The following PRKCE variants were observed in gnomAD, a reference collection of about 807,000 sequenced individuals.
PRKCE encodes the protein protein kinase C epsilon type.
In PRKCE, 16 loss-of-function variants were observed where a neutral mutation model predicts 85.4. That is an observed-to-expected ratio of 0.19 (90% CI 0.13 to 0.28). The LOEUF (loss-of-function observed/expected upper bound fraction) is 0.28. Among genes scored for constraint, PRKCE ranks in the 10% least tolerant of loss-of-function variants. PRKCE has a pLI of 1.00. For synonymous variants in PRKCE, 388 were observed against 371.5 expected (o/e 1.04, Z -0.51); for missense variants, 573 against 975.2 (o/e 0.59, Z 5.49).
At position 46,110,641 on chromosome 2, in the gene PRKCE, G is replaced by A. The variant is rs111645389; in HGVS notation, c.1592+24279G>A. Among the ~76,000 whole-genome samples, 581 of 150,782 alleles carry A rather than the reference G, an allele frequency of 3.9e-3. 7 individuals carry two copies. The highest frequency in any genetic ancestry group is 0.017 in the Middle Eastern group (5 of 290). On this transcript the variant is annotated intron_variant, in intron 11 of 14. Transcript: ENST00000306156. ...TTCTTAGTCTTTTTTTTTTTAAAGCGGCTTTTGGTTTTATTAATTTTTCTC... is the reference window on the plus strand; with the variant it reads ...TTCTTAGTCTTTTTTTTTTTAAAGCAGCTTTTGGTTTTATTAATTTTTCTC...
chr2:46,003,562 A>G (rs1704897081), intron 7 of PRKCE, among the ~76,000 whole-genome samples: 1 of 152,242 alleles, frequency 6.6e-6, no homozygotes, highest in Non-Finnish European at 1.5e-5. Context: ...AGTATCCTAT[A>G]GTCTACTTAA....
At chr2:46,076,968 G>T (rs1181805582) in intron 10 of PRKCE, among the ~76,000 whole-genome samples, 4 of 152,202 alleles carry the variant, frequency 2.6e-5, no homozygotes, top group Non-Finnish European at 1.5e-5. Context: ...GAGTAGAATA[G>T]GTTGGTGGTT....
chr2:45,711,904 T>C (rs1333723920), intron 1 of PRKCE, among the ~76,000 whole-genome samples: 3 of 152,244 alleles, frequency 2.0e-5, no homozygotes, highest in African/African-American at 7.2e-5. Context: ...ATTACAGGCA[T>C]GAGCCAACAC....
chr2:46,078,519 G>A (rs1346621715), intron 10 of PRKCE: 1 of 147,576 alleles, frequency 6.8e-6, no homozygotes, highest in East Asian at 2.0e-4. Flanking sequence ...TAGCCTGGGT[G>A]ACAGAGCAGG....
At chr2:46,119,499 G>T (rs1673108759) in intron 11 of PRKCE, among the ~76,000 whole-genome samples, 1 of 151,994 alleles carries the variant, frequency 6.6e-6, no homozygotes, top group Non-Finnish European at 1.5e-5. Context: ...ATGGTTTATT[G>T]GCCCTAAGGG....
rs59401094 is a variant in PRKCE at position 45,987,030 on chromosome 2, G to GT, written c.823+2361dup. Among the ~76,000 whole-genome samples the GT allele has an allele frequency of 2.1e-3, 312 of 147,844 alleles. 1 individual carries two copies. The highest frequency in any genetic ancestry group is 4.6e-3 in the African/African-American group (184 of 40,306). ...AGGGAACCCTGATGAGCTGATGTCT[G>GT]TTTTTTTTTTTGTAAATATATTAAT... is the stretch of plus-strand genomic sequence containing the variant. On this transcript the variant is annotated intron_variant, in intron 6 of 14. Coordinates refer to ENST00000306156, the MANE Select transcript of PRKCE (RefSeq NM_005400.3).
chr2:45,967,011 G>T (rs192246784), intron 2 of PRKCE, among the ~76,000 whole-genome samples: 1 of 152,310 alleles, frequency 6.6e-6, no homozygotes, highest in East Asian at 1.9e-4. Flanking sequence ...AGATAAAAGA[G>T]AAAGAACCTG....
In PRKCE at chr2:45,653,332, C is replaced by G. The variant is rs79242014; in HGVS notation, c.348+884C>G. Among the ~76,000 whole-genome samples, 750 of 134,450 alleles carry G rather than the reference C, an allele frequency of 5.6e-3. 8 individuals carry two copies. The highest frequency in any genetic ancestry group is 0.019 in the African/African-American group (699 of 37,154). 88.2% of individuals were successfully genotyped at this position (134,450 alleles called of 152,430 possible). ...TGGCACTTGGACAAGCAGAGAGAAG[C>G]AAACCTTCATTTTGCTTTTTGTGTT... On this transcript the variant is annotated intron_variant, in intron 1 of 14. Transcript: ENST00000306156.
At chr2:46,128,709 C>A (rs13008603) in intron 11 of PRKCE, among the ~76,000 whole-genome samples, 15,520 of 152,210 alleles carry the variant, frequency 0.1, 960 homozygotes, top group African/African-American at 0.16. Flanking sequence ...AAAGATAGAT[C>A]TGTGGTTGAC....
intron 2 of PRKCE, among the ~76,000 whole-genome samples, chr2:45,924,747 T>C (rs1316644716): frequency 6.6e-6 from 1 of 152,226 alleles, no homozygotes; most frequent in Non-Finnish European, 1.5e-5. Flanking sequence ...AGAAAAAATA[T>C]GTCTTTTCGT....
chr2:45,846,368 G>C (rs1691790051), intron 2 of PRKCE, among the ~76,000 whole-genome samples: 1 of 152,190 alleles, frequency 6.6e-6, no homozygotes, highest in Non-Finnish European at 1.5e-5. Flanking sequence ...CCTGGGGACT[G>C]ATAGGTTCTT....
At chr2:46,143,485 C>T (rs562764396) in intron 11 of PRKCE, among the ~76,000 whole-genome samples, 4 of 152,124 alleles carry the variant, frequency 2.6e-5, no homozygotes, top group Non-Finnish European at 5.9e-5. Flanking sequence ...AGACCTTCTA[C>T]TTTCACGCAC....
At chr2:45,911,876 C>T (rs1303916408) in intron 2 of PRKCE, among the ~76,000 whole-genome samples, 6 of 151,962 alleles carry the variant, frequency 3.9e-5, no homozygotes, top group Admixed American at 2.6e-4. Context: ...GAATTAATGG[C>T]GATAGTGTGT....
At chr2:45,768,707 A>G (rs545161061) in intron 1 of PRKCE, among the ~76,000 whole-genome samples, 1 of 152,336 alleles carries the variant, frequency 6.6e-6, no homozygotes, top group Admixed American at 6.5e-5. Flanking sequence ...TGTCTTTCAC[A>G]TGCGAGATGA....
At chr2:45,925,067 C>T (rs755372754) in intron 2 of PRKCE, among the ~76,000 whole-genome samples, 3 of 152,142 alleles carry the variant, frequency 2.0e-5, no homozygotes, top group Non-Finnish European at 2.9e-5. Context: ...AAGGTATCCA[C>T]TGTGGACATG....
chr2:46,066,127 A>G (rs1450963687), intron 10 of PRKCE, among the ~76,000 whole-genome samples: 1 of 152,198 alleles, frequency 6.6e-6, no homozygotes, highest in Non-Finnish European at 1.5e-5. Flanking sequence ...GACCTAGAGG[A>G]AAGACACAGA....
chr2:45,693,886 C>G (rs1056132696), intron 1 of PRKCE, among the ~76,000 whole-genome samples: 1 of 151,884 alleles, frequency 6.6e-6, no homozygotes, highest in Non-Finnish European at 1.5e-5. Flanking sequence ...ATGGCAGGTC[C>G]TAGGATCCAT....
At chr2:45,966,496 G>A (rs1292169778) in intron 2 of PRKCE, among the ~76,000 whole-genome samples, 1 of 152,160 alleles carries the variant, frequency 6.6e-6, no homozygotes, top group Non-Finnish European at 1.5e-5. Context: ...AATAGGCAGG[G>A]TTTGACAGTT....
intron 1 of PRKCE, among the ~76,000 whole-genome samples, chr2:45,716,986 A>G (rs961263800): frequency 6.6e-6 from 1 of 152,204 alleles, no homozygotes; most frequent in South Asian, 2.1e-4. Flanking sequence ...TGCTCCCATG[A>G]TTCAATTACC....
Sources: gnomAD v4.1 joint callset for allele counts (sites outside exome capture counted in the v4.1 genomes callset) on GRCh38, gnomAD v4.1.1 for gene constraint, MANE v1.5 for transcripts, NCBI Gene and HGNC (gene_info 2026-07-23, HGNC 2026-07-21) for gene names.